DNM3: variants seen among roughly 807,000 people sequenced by gnomAD.
DNM3 encodes the protein dynamin-3.
In DNM3, 47 loss-of-function variants were observed where a neutral mutation model predicts 101.6. The observed-to-expected ratio is 0.46, with a 90% CI of 0.37 to 0.59. DNM3 has a LOEUF of 0.59. Ranked by LOEUF, DNM3 falls within the 20% of genes least tolerant of loss-of-function variation. The pLI is 0.00. For synonymous variants in DNM3, 385 were observed against 387.9 expected, an observed-to-expected ratio of 0.99 and a Z score of 0.09; for missense variants, 849 against 1,085.7, an observed-to-expected ratio of 0.78 and a Z score of 3.06.
At chr1:171,956,519 C>T (rs1175392960) in intron 2 of DNM3, among the ~76,000 whole-genome samples, 1 of 152,092 alleles carries the variant, frequency 6.6e-6, no homozygotes, top group Non-Finnish European at 1.5e-5. Flanking sequence ...GGGTATAGCC[C>T]CCCTCCTGGC....
intron 15 of DNM3, among the ~76,000 whole-genome samples, chr1:172,293,710 G>A (rs2064027806): frequency 6.6e-6 from 1 of 152,082 alleles, no homozygotes; most frequent in Non-Finnish European, 1.5e-5. Flanking sequence ...TTCGAAAATG[G>A]GTAAAAATGA....
intron 14 of DNM3, among the ~76,000 whole-genome samples, chr1:172,155,187 A>T (rs920681222): frequency 6.6e-6 from 1 of 152,012 alleles, no homozygotes; most frequent in South Asian, 2.1e-4. Context: ...CATAAAGGCC[A>T]ACCATACAAT....
intron 2 of DNM3, among the ~76,000 whole-genome samples, chr1:171,969,174 A>G (rs1212838150): frequency 6.8e-6 from 1 of 148,144 alleles, no homozygotes; most frequent in Admixed American, 6.6e-5. Context: ...ACACTCCTAT[A>G]AAAAAATGAC....
At chr1:172,158,524 A>G (rs1030200067) in intron 14 of DNM3, among the ~76,000 whole-genome samples, 3 of 149,264 alleles carry the variant, frequency 2.0e-5, no homozygotes, top group African/African-American at 7.5e-5. Flanking sequence ...TGCAGTGAGA[A>G]GAGAGGGAAA....
intron 15 of DNM3, among the ~76,000 whole-genome samples, chr1:172,259,862 T>C (rs565469656): frequency 1.2e-4 from 19 of 152,102 alleles, no homozygotes; most frequent in Non-Finnish European, 1.9e-4. Context: ...GTTGGCATTC[T>C]GTAGTGGTTA....
intron 2 of DNM3, among the ~76,000 whole-genome samples, chr1:171,977,272 T>C (rs1422831803): frequency 6.6e-6 from 1 of 152,236 alleles, no homozygotes; most frequent in Non-Finnish European, 1.5e-5. Flanking sequence ...GGTCCCAGCC[T>C]TATTCTGGCC....
In DNM3 at chr1:172,386,845, A is replaced by T. The variant is rs564295637; in HGVS notation, c.2059-288A>T. ...AGACAATATTGTGAAATGCTCACAA[A>T]GCCAGCAGGCCCTGTTCTGGTGATG... On this transcript the variant is annotated intron_variant, in intron 18 of 20. Coordinates refer to ENST00000627582, the MANE Select transcript of DNM3 (RefSeq NM_015569.5). 8 of 356,578 alleles carry T rather than the reference A, an allele frequency of 2.2e-5. No homozygotes were observed. In the South Asian group the frequency reaches 2.7e-4, roughly 12 times the overall value. 22.1% of individuals were successfully genotyped at this position (356,578 alleles called of 1,614,324 possible).
At chr1:172,299,468 C>T (rs979666907) in intron 15 of DNM3, among the ~76,000 whole-genome samples, 60 of 152,148 alleles carry the variant, frequency 3.9e-4, no homozygotes, top group Admixed American at 3.9e-3. Context: ...GTTTGGTGTA[C>T]AAATGATCCC....
intron 4 of DNM3, among the ~76,000 whole-genome samples, chr1:172,016,384 AT>A (rs142644735): frequency 6.6e-6 from 1 of 151,836 alleles, no homozygotes; most frequent in African/African-American, 2.4e-5. Context: ...GGATCATGTG[AT>A]TTTTTCCCCT....
At chr1:172,256,905 GTT>G (rs5778728) in intron 15 of DNM3, among the ~76,000 whole-genome samples, 23 of 144,574 alleles carry the variant, frequency 1.6e-4, no homozygotes, top group South Asian at 4.3e-4. Context: ...TCTTCATCAT[GTT>G]TTTTTTTTTT....
intron 13 of DNM3, among the ~76,000 whole-genome samples, chr1:172,129,472 TAAAG>T (rs1373172911): frequency 1.3e-3 from 191 of 152,246 alleles, no homozygotes; most frequent in African/African-American, 4.5e-3. Context: ...ATGCTGCTGA[TAAAG>T]ACATACCCGA....
At chr1:172,183,561 A>AT (rs1313437915) in intron 14 of DNM3, among the ~76,000 whole-genome samples, 1 of 152,006 alleles carries the variant, frequency 6.6e-6, no homozygotes, top group East Asian at 1.9e-4. Context: ...GTTGCTTAAA[A>AT]TTATTGCCAA....
chr1:172,225,787 C>T (rs541788799), intron 14 of DNM3, among the ~76,000 whole-genome samples: 1 of 151,920 alleles, frequency 6.6e-6, no homozygotes, highest in Non-Finnish European at 1.5e-5. Flanking sequence ...CATCTTATCT[C>T]ACCATTCAGA....
Position 172,081,434 on chromosome 1 carries a change from T to C in DNM3, c.1423-398T>C, listed in dbSNP as rs143106835. Among the ~76,000 whole-genome samples, 87 of 152,334 alleles carry C rather than the reference T, an allele frequency of 5.7e-4. No homozygotes were observed. The East Asian group carries it at 0.012, about 21-fold the overall frequency. On this transcript the variant is annotated intron_variant, in intron 11 of 20. Transcript: ENST00000627582. ...TTACTAATTTGTGGCTAATATATGA[T>C]GTCTACAGGAACAGTAAGCTCAGCG...
chr1:171,993,304 GT>G (rs1168935336), intron 4 of DNM3, among the ~76,000 whole-genome samples: 2 of 151,854 alleles, frequency 1.3e-5, no homozygotes, highest in East Asian at 3.9e-4. Context: ...GATTCTCTTG[GT>G]TTTTGTTTAT....
rs145262439 is a variant in DNM3, at chr1:171,892,792, C to T, written c.162-28956C>T. On this transcript the variant is annotated intron_variant, in intron 1 of 20. Coordinates refer to ENST00000627582, the MANE Select transcript of DNM3 (RefSeq NM_015569.5). ...CAGGGAGTGTTTTGGGATGAAACTG[C>T]CCATGTGTCACTTAGTTGACCTAAG... Among the ~76,000 whole-genome samples the T allele has an allele frequency of 2.4e-4, 36 of 152,252 alleles. No homozygotes were observed. The East Asian group carries it at 6.8e-3, about 29-fold the overall frequency.
intron 17 of DNM3, among the ~76,000 whole-genome samples, chr1:172,344,521 G>A (rs984354264): frequency 1.3e-5 from 2 of 152,166 alleles, no homozygotes; most frequent in Non-Finnish European, 2.9e-5. Flanking sequence ...TATTCTGAAG[G>A]AGAAATGTTG....
intron 14 of DNM3, among the ~76,000 whole-genome samples, chr1:172,188,992 T>C (rs551711332): frequency 1.3e-5 from 2 of 152,102 alleles, no homozygotes; most frequent in Non-Finnish European, 2.9e-5. Context: ...CATAATTTTG[T>C]GTTTTGTGTC....
At chr1:172,036,025 T>C (rs970046719) in intron 6 of DNM3, among the ~76,000 whole-genome samples, 3 of 151,502 alleles carry the variant, frequency 2.0e-5, no homozygotes, top group Non-Finnish European at 2.9e-5. Context: ...ATTATTATAC[T>C]TTAAGTTTTA....
Sources: gnomAD v4.1 joint callset for allele counts (sites outside exome capture counted in the v4.1 genomes callset) on GRCh38, gnomAD v4.1.1 for gene constraint, MANE v1.5 for transcripts, NCBI Gene and HGNC (gene_info 2026-07-23, HGNC 2026-07-21) for gene names.